The following PRDM12 variants were observed in gnomAD, a reference collection of about 807,000 sequenced individuals.
The protein encoded by PRDM12 is PR/SET domain 12, also known as PR domain zinc finger protein 12.
In PRDM12, 17 loss-of-function variants were observed where a neutral mutation model predicts 29.6. The observed-to-expected ratio is 0.57, with a 90% CI of 0.39 to 0.86. The LOEUF (loss-of-function observed/expected upper bound fraction) is 0.86, where lower values mean the gene tolerates loss of function less well. Ranked by LOEUF, PRDM12 falls within the 40% of genes least tolerant of loss-of-function variation. The pLI is 0.00. For synonymous variants in PRDM12, 231 were observed against 225.8 expected (o/e 1.02, Z -0.21); for missense variants, 422 against 510.8 (o/e 0.83, Z 1.68).
At chr9:130,680,648 TA>T (rs1830888387) in intron 4 of PRDM12, among the ~76,000 whole-genome samples, 2 of 81,980 alleles carry the variant, frequency 2.4e-5, no homozygotes, top group South Asian at 3.6e-4. Context: ...TATATATATA[TA>T]TATATATATA....
In PRDM12 at chr9:130,666,678, G is replaced by C; in HGVS notation, c.294G>C (p.Glu98Asp). The C allele has an allele frequency of 6.2e-7, 1 of 1,613,478 alleles. No homozygotes were observed. The highest frequency in any genetic ancestry group is 8.5e-7 in the Non-Finnish European group (1 of 1,179,836). ...VIIAQSSIPG[E>D]GLGIFSKTWI... ...TCGCTCAGAGCTCCATCCCTGGCGAGGGCCTCGGCATCTTCTCCAAGACGT... is the reference window on the plus strand; with the variant it reads ...TCGCTCAGAGCTCCATCCCTGGCGACGGCCTCGGCATCTTCTCCAAGACGT... Residue 98 changes from glutamate (E) to aspartate (D), a missense_variant, in exon 2 of 5, where the codon GAG becomes GAC. Coordinates refer to ENST00000253008, the MANE Select transcript of PRDM12 (RefSeq NM_021619.3).
rs1830717862 is a variant in PRDM12, at chr9:130,664,948, G to A, written c.223+72G>A. 7.1e-7 allele frequency: 1 copy of A among 1,404,282 alleles called. No individual in the cohort carries two copies. Among genetic ancestry groups the A allele is most frequent in the Non-Finnish European group, 9.5e-7 (1 of 1,052,130 alleles). 87.0% of individuals were successfully genotyped at this position (1,404,282 alleles called of 1,614,324 possible). A position where few individuals can be genotyped will look rare whatever the true frequency, so the allele number is the denominator to read the frequency against. On this transcript the variant is annotated intron_variant, in intron 1 of 4. Transcript: ENST00000253008. This position sits in a 1 kb window ranked among gnomAD's most constrained non-coding sequence, Gnocchi z 6.4. ...CCCCATTCCCGTCCTGGCGATGCGC[G>A]AGACGCGGCTGGGATACCCGGCCTC...
chr9:130,676,885 C>T (rs943703223), intron 3 of PRDM12, among the ~76,000 whole-genome samples: 1 of 151,900 alleles, frequency 6.6e-6, no homozygotes, highest in Non-Finnish European at 1.5e-5. Flanking sequence ...GTTCCCACCC[C>T]TTTTCTTTCG....
At chr9:130,666,117 C>T (rs1011908544) in intron 1 of PRDM12, among the ~76,000 whole-genome samples, 2 of 152,332 alleles carry the variant, frequency 1.3e-5, no homozygotes, top group East Asian at 3.9e-4. Context: ...GTCCCCAGCG[C>T]TGATCACGGC....
chr9:130,670,427 G>C (rs765125282), intron 3 of PRDM12, among the ~76,000 whole-genome samples: 19 of 152,142 alleles, frequency 1.2e-4, no homozygotes, highest in Admixed American at 2.6e-4. Context: ...TCCCAGCTGA[G>C]GGGGGTGGTG....
Position 130,681,134 on chromosome 9 carries a change from C to A in PRDM12, c.683-114C>A. ...AGCAGCACCCACCCTCAAGGACGGA[C>A]CGGCCCCGGGCTGGGGGCGCTGAGG... On this transcript the variant is annotated intron_variant, in intron 4 of 4. Coordinates refer to ENST00000253008, the MANE Select transcript of PRDM12 (RefSeq NM_021619.3). The surrounding 1 kb of genome is among the most constrained non-coding windows in gnomAD (Gnocchi z 8.1). The A allele has an allele frequency of 1.8e-6, 2 of 1,141,752 alleles. No homozygotes were observed. Among genetic ancestry groups the A allele is most frequent in the Non-Finnish European group, 2.3e-6 (2 of 871,638 alleles). The allele number at this position is 1,141,752 out of a possible 1,614,324, so 70.7% of individuals were successfully genotyped here.
At chr9:130,676,858 C>A (rs559540363) in intron 3 of PRDM12, among the ~76,000 whole-genome samples, 2 of 152,268 alleles carry the variant, frequency 1.3e-5, no homozygotes, top group East Asian at 3.9e-4. Flanking sequence ...GTCACCTAAG[C>A]CCCCTCACAC....
chr9:130,677,080 C>T (rs557658720), intron 3 of PRDM12, among the ~76,000 whole-genome samples: 10 of 152,288 alleles, frequency 6.6e-5, no homozygotes, highest in South Asian at 2.1e-4. Context: ...TGCGCCACCG[C>T]GCCTGGCTAA....
At position 130,666,744 on chromosome 9, in the gene PRDM12, C is replaced by T. The variant is rs753289520; in HGVS notation, c.360C>T (p.Arg120=). The T allele has an allele frequency of 1.9e-6, 3 of 1,612,694 alleles. No homozygotes were observed. Among genetic ancestry groups the T allele is most frequent in the African/African-American group, 1.3e-5 (1 of 74,868 alleles). ...CCGAGATGGGCCCCTTCACCGGCCGCGTGATCGCCCCGGAGCACGTGGACA... is the reference window on the plus strand; with the variant it reads ...CCGAGATGGGCCCCTTCACCGGCCGTGTGATCGCCCCGGAGCACGTGGACA... The part of the protein sequence containing the change: ...AGTEMGPFTG[R]VIAPEHVDIC... Residue 120 remains arginine (R), a synonymous_variant, in exon 2 of 5, where the codon CGC becomes CGT. Transcript: ENST00000253008.
intron 1 of PRDM12, among the ~76,000 whole-genome samples, chr9:130,665,310 AG>A (rs1484551580): frequency 6.3e-5 from 1 of 15,864 alleles, no homozygotes; most frequent in African/African-American, 2.3e-4. Context: ...GGGGCTGGGG[AG>A]GGGGTGGAGG....
chr9:130,680,632 A>ATATATAT (rs1246642229), intron 4 of PRDM12, among the ~76,000 whole-genome samples: 6 of 77,348 alleles, frequency 7.8e-5, no homozygotes, highest in South Asian at 4.3e-4. Flanking sequence ...CTAAAAAAAA[A>ATATATAT]AAATATATAT....
chr9:130,673,503 CT>C (rs1001762614), intron 3 of PRDM12, among the ~76,000 whole-genome samples: 6 of 149,184 alleles, frequency 4.0e-5, no homozygotes, highest in South Asian at 2.1e-4. Flanking sequence ...CCAGCAGCCT[CT>C]TTTTTTTTTC....
intron 1 of PRDM12, among the ~76,000 whole-genome samples, chr9:130,665,763 A>AC (rs200776569): frequency 1.2e-3 from 182 of 149,918 alleles, no homozygotes; most frequent in Middle Eastern, 3.4e-3. Flanking sequence ...ACACCGTTTA[A>AC]CCCCCCCCTT....
rs1588189782 is a variant in PRDM12 at position 130,681,073 on chromosome 9, C to T, written c.683-175C>T. Among the ~76,000 whole-genome samples, 2 of 152,294 alleles carry T rather than the reference C, an allele frequency of 1.3e-5. No homozygotes were observed. The highest frequency in any genetic ancestry group is 2.1e-4 in the South Asian group (1 of 4,830). On this transcript the variant is annotated intron_variant, in intron 4 of 4. Transcript: ENST00000253008. This position sits in a 1 kb window ranked among gnomAD's most constrained non-coding sequence, Gnocchi z 8.1. ...CTATTGGACCCCCCAGCCGGGGTACCCTTCGCTGTCCCTCCAGTCCGTCTG... is the reference window on the plus strand; with the variant it reads ...CTATTGGACCCCCCAGCCGGGGTACTCTTCGCTGTCCCTCCAGTCCGTCTG...
At chr9:130,678,783 A>G in intron 4 of PRDM12, 143 bp downstream of exon 4, 1 of 671,110 alleles carries the variant, frequency 1.5e-6, no homozygotes, top group Non-Finnish European at 2.5e-6. Flanking sequence ...AGCAGATCAG[A>G]CATACAGGTC....
Position 130,681,431 on chromosome 9 carries a change from A to C in PRDM12, c.866A>C (p.His289Pro). Reference sequence around the variant, plus strand: ...AGCCAGTCGTCCACGCTGCGCAACCACGTGCGCCTGCACACGGGCGAGCGC... The same window carrying C: ...AGCCAGTCGTCCACGCTGCGCAACCCCGTGCGCCTGCACACGGGCGAGCGC... The part of the protein sequence containing the change: ...RFSQSSTLRN[H>P]VRLHTGERPY... The change falls in exon 5 of 5, where the codon CAC becomes CCC. Residue 289 changes from histidine to proline, a missense_variant. Transcript: ENST00000253008. The surrounding 1 kb of genome is among the most constrained non-coding windows in gnomAD (Gnocchi z 8.1). 1 of 1,597,398 alleles carries C rather than the reference A, an allele frequency of 6.3e-7. No individual in the cohort carries two copies. Among genetic ancestry groups the C allele is most frequent in the Non-Finnish European group, 8.5e-7 (1 of 1,175,396 alleles).
At chr9:130,680,226 G>A (rs997815304) in intron 4 of PRDM12, among the ~76,000 whole-genome samples, 6 of 151,990 alleles carry the variant, frequency 3.9e-5, no homozygotes, top group Non-Finnish European at 7.4e-5. Context: ...GGTCCTAGCT[G>A]CCTGGGAGGC....
rs906165426 is a variant in PRDM12 at position 130,666,513 on chromosome 9, T to C, written c.224-95T>C. The stretch of plus-strand genomic sequence containing the variant: ...GGGGCCGACTTGGGTTTGGCTGGTC[T>C]GGGCAGGACCGAAGCCGGGGTCCCG... On this transcript the variant is annotated intron_variant, in intron 1 of 4. Transcript: ENST00000253008. 3 of 1,481,748 alleles carry C rather than the reference T, an allele frequency of 2.0e-6. No individual in the cohort carries two copies. The Admixed American group carries it at 7.0e-5, about 35-fold the overall frequency. The allele number at this position is 1,481,748 out of a possible 1,614,324, so 91.8% of individuals were successfully genotyped here.
At position 130,676,633 on chromosome 9, in the gene PRDM12, G is replaced by T. The variant is rs566467642; in HGVS notation, c.571-1896G>T. Among the ~76,000 whole-genome samples the T allele has an allele frequency of 3.3e-5, 5 of 152,338 alleles. No individual in the cohort carries two copies. In the East Asian group the frequency reaches 9.6e-4, roughly 29 times the overall value. ...GGCCATTACTGTGAATGAGCAGAGA[G>T]GTCACCAGGGATCTCGCTGTGGTGC... On this transcript the variant is annotated intron_variant, in intron 3 of 4. Transcript: ENST00000253008.
Sources: gnomAD v4.1 joint callset for allele counts (sites outside exome capture counted in the v4.1 genomes callset) on GRCh38, gnomAD v4.1.1 for gene constraint, Gnocchi (gnomAD v3.1) non-coding constraint, MANE v1.5 for transcripts, NCBI Gene and HGNC (gene_info 2026-07-23, HGNC 2026-07-21) for gene names.